RBMS3: variants seen among roughly 807,000 people sequenced by gnomAD.
RBMS3 encodes RNA-binding motif, single-stranded-interacting protein 3.
Under a neutral mutation model 66.8 loss-of-function variants are expected in RBMS3, and 27 were observed. The observed-to-expected ratio is 0.40, with a 90% CI of 0.30 to 0.56. The LOEUF is 0.56. RBMS3 is among the 20% of genes least tolerant of loss of function. The pLI is 0.40. For missense variants in RBMS3, 513 were observed against 549.5 expected (o/e 0.93, Z 0.66); for synonymous variants, 188 against 183.0 (o/e 1.03, Z -0.22).
chr3:29,312,835 T>C (rs1448670321), intron 1 of RBMS3, among the ~76,000 whole-genome samples: 4 of 151,742 alleles, frequency 2.6e-5, no homozygotes, highest in Non-Finnish European at 5.9e-5. Flanking sequence ...CTGTGGACTT[T>C]AGATAATCCC....
Position 29,764,174 on chromosome 3 carries a change from T to A in RBMS3, c.637+1185T>A, listed in dbSNP as rs535383080. ...ACCCTTCAGACAGACACTTGCATAA[T>A]CTGAAAACCTAAAGTAGCTGATTGC... On this transcript the variant is annotated intron_variant, in intron 6 of 14. Coordinates refer to ENST00000383767, the MANE Select transcript of RBMS3 (RefSeq NM_001003793.3). Among the ~76,000 whole-genome samples the A allele has an allele frequency of 2.0e-5, 3 of 152,144 alleles. No homozygotes were observed. The South Asian group carries it at 6.2e-4, about 32-fold the overall frequency.
rs1396993509 is a variant in RBMS3, at chr3:29,401,775, G to T, written c.76-32968G>T. Among the ~76,000 whole-genome samples, 4 of 152,016 alleles carry T rather than the reference G, an allele frequency of 2.6e-5. No homozygotes were observed. The East Asian group carries it at 7.7e-4, about 29-fold the overall frequency. ...TTTTATTTAAACTTTGTGACACAGG[G>T]AAGTTCCCTTTGCAGAAAAACTTTA... On this transcript the variant is annotated intron_variant, in intron 1 of 14. Transcript: ENST00000383767.
intron 14 of RBMS3, among the ~76,000 whole-genome samples, chr3:29,995,846 G>T (rs1054683740): frequency 1.3e-5 from 2 of 152,114 alleles, no homozygotes; most frequent in Non-Finnish European, 2.9e-5. Context: ...AGACTAGGAA[G>T]AAACTGCATC....
chr3:29,848,643 T>C (rs1406015409), intron 6 of RBMS3, among the ~76,000 whole-genome samples: 1 of 152,242 alleles, frequency 6.6e-6, no homozygotes, highest in Non-Finnish European at 1.5e-5. Context: ...CTATGGAAAC[T>C]ACATGGTGAG....
Position 29,988,207 on chromosome 3 carries a change from C to A in RBMS3, c.1163C>A (p.Thr388Lys). ...YIPQYTPVPPTAVSIEGVVAD... is the reference protein window; with the variant it reads ...YIPQYTPVPPKAVSIEGVVAD... ...CCTCAGTACACGCCTGTGCCTCCGA[C>A]AGCTGTTTCTATTGAAGTAAGTCTA... Residue 388 changes from threonine to lysine, a missense_variant, in exon 13 of 15, where the codon ACA becomes AAA. Transcript: ENST00000383767. The A allele has an allele frequency of 6.2e-7, 1 of 1,610,916 alleles. No individual in the cohort carries two copies. Among genetic ancestry groups the A allele is most frequent in the Non-Finnish European group, 8.5e-7 (1 of 1,177,418 alleles).
chr3:29,378,646 A>C (rs1356405763), intron 1 of RBMS3, among the ~76,000 whole-genome samples: 4 of 152,214 alleles, frequency 2.6e-5, no homozygotes, highest in African/African-American at 9.7e-5. Flanking sequence ...TGTTATAAGT[A>C]AAGGTAAACA....
chr3:29,871,964 G>A lies in RBMS3; in HGVS notation c.744+3000G>A, dbSNP rs79108009. ...CACAGAAATTAGTATAAATTAGCAA[G>A]ATTTTGAAATATAAATATATGCTAG... On this transcript the variant is annotated intron_variant, in intron 7 of 14. Transcript: ENST00000383767. Among the ~76,000 whole-genome samples the A allele has an allele frequency of 8.4e-3, 1,285 of 152,094 alleles. 15 individuals carry two copies. Among genetic ancestry groups the A allele is most frequent in the African/African-American group, 0.03 (1,234 of 41,516 alleles).
At chr3:29,729,309 G>C (rs549620765) in intron 4 of RBMS3, among the ~76,000 whole-genome samples, 118 of 152,134 alleles carry the variant, frequency 7.8e-4, no homozygotes, top group African/African-American at 2.6e-3. Context: ...CCCTGAAAAG[G>C]ACATGAACTC....
chr3:29,552,671 G>C (rs1039353448), intron 3 of RBMS3, among the ~76,000 whole-genome samples: 1 of 151,912 alleles, frequency 6.6e-6, no homozygotes, highest in Non-Finnish European at 1.5e-5. Flanking sequence ...CTGAAGAAAA[G>C]AAAATTAAAA....
intron 4 of RBMS3, among the ~76,000 whole-genome samples, chr3:29,717,717 C>A (rs1339790872): frequency 6.6e-6 from 1 of 152,018 alleles, no homozygotes; most frequent in African/African-American, 2.4e-5. Context: ...CTCTTACTTA[C>A]CTCGTAAGTA....
intron 1 of RBMS3, among the ~76,000 whole-genome samples, chr3:29,410,426 G>C (rs1466000247): frequency 5.9e-5 from 9 of 152,100 alleles, no homozygotes; most frequent in Admixed American, 2.0e-4. Context: ...TTGCCTAAAA[G>C]CTCCATTAGG....
At chr3:29,935,835 TGTAA>T (rs1207927180) in intron 10 of RBMS3, among the ~76,000 whole-genome samples, 2 of 151,996 alleles carry the variant, frequency 1.3e-5, no homozygotes, top group African/African-American at 2.4e-5. Flanking sequence ...AAAATGAAAA[TGTAA>T]GTGACATATT....
At chr3:29,840,201 A>ATGAT (rs1576963532) in intron 6 of RBMS3, among the ~76,000 whole-genome samples, 1 of 152,148 alleles carries the variant, frequency 6.6e-6, no homozygotes, top group East Asian at 1.9e-4. Flanking sequence ...TTACACTCTT[A>ATGAT]TGATTATCAA....
At chr3:29,939,260 T>G (rs1370793617) in intron 11 of RBMS3, among the ~76,000 whole-genome samples, 2 of 151,998 alleles carry the variant, frequency 1.3e-5, no homozygotes, top group Non-Finnish European at 2.9e-5. Context: ...AATCAATTTT[T>G]AAATATTTGC....
chr3:29,331,177 C>T (rs2125514131), intron 1 of RBMS3, among the ~76,000 whole-genome samples: 1 of 152,236 alleles, frequency 6.6e-6, no homozygotes, highest in East Asian at 1.9e-4. Flanking sequence ...GGCACTCTTA[C>T]CCATATCTCT....
chr3:29,358,545 A>G (rs1370551556), intron 1 of RBMS3, among the ~76,000 whole-genome samples: 2 of 151,062 alleles, frequency 1.3e-5, no homozygotes, highest in African/African-American at 2.4e-5. Flanking sequence ...TGTTGGTTCC[A>G]TATGAACTTT....
intron 4 of RBMS3, among the ~76,000 whole-genome samples, chr3:29,606,091 A>G (rs2048312824): frequency 2.6e-5 from 4 of 151,650 alleles, no homozygotes; most frequent in Admixed American, 2.0e-4. Flanking sequence ...GTTTTGCTGA[A>G]TCATACTCCA....
At chr3:29,873,195 T>C (rs1182633850) in intron 7 of RBMS3, among the ~76,000 whole-genome samples, 1 of 152,194 alleles carries the variant, frequency 6.6e-6, no homozygotes, top group East Asian at 1.9e-4. Flanking sequence ...ACCATTTTAA[T>C]GATATTGAGT....
chr3:29,371,743 G>GA (rs1362564434), intron 1 of RBMS3, among the ~76,000 whole-genome samples: 1 of 152,124 alleles, frequency 6.6e-6, no homozygotes, highest in Non-Finnish European at 1.5e-5. Context: ...AGTTTCTCAA[G>GA]AAAGGTCCAG....
Sources: gnomAD v4.1 joint callset for allele counts (sites outside exome capture counted in the v4.1 genomes callset) on GRCh38, gnomAD v4.1.1 for gene constraint, MANE v1.5 for transcripts, NCBI Gene and HGNC (gene_info 2026-07-23, HGNC 2026-07-21) for gene names.